DYNC1LI1: variants seen among roughly 807,000 people sequenced by gnomAD.
The protein encoded by DYNC1LI1 is dynein cytoplasmic 1 light intermediate chain 1.
In DYNC1LI1, 19 loss-of-function variants were observed where a neutral mutation model predicts 63.8. That is an observed-to-expected ratio of 0.30 (90% CI 0.21 to 0.44). DYNC1LI1 has a LOEUF of 0.44. DYNC1LI1 is among the 20% of genes least tolerant of loss of function. The pLI, the probability that DYNC1LI1 is intolerant of heterozygous loss-of-function variation, is 1.00. For missense variants in DYNC1LI1, 565 were observed against 630.2 expected (o/e 0.90, Z 1.11); for synonymous variants, 225 against 232.3 (o/e 0.97, Z 0.28).
intron 4 of DYNC1LI1, 88 bp downstream of exon 4, chr3:32,544,788 C>T: frequency 1.1e-6 from 1 of 949,772 alleles, no homozygotes; most frequent in South Asian, 1.6e-5. Flanking sequence ...TTCATTAAAC[C>T]TTTTTTATAG....
chr3:32,557,092 C>T (rs1205181013), intron 2 of DYNC1LI1, among the ~76,000 whole-genome samples: 6 of 152,184 alleles, frequency 3.9e-5, no homozygotes, highest in Non-Finnish European at 7.3e-5. Flanking sequence ...CTTGCCACAA[C>T]CAAGCTGGAC....
At chr3:32,537,811 A>G (rs139752867) in intron 5 of DYNC1LI1, among the ~76,000 whole-genome samples, 2,408 of 136,592 alleles carry the variant, frequency 0.018, 36 homozygotes, top group South Asian at 0.035. Context: ...TAAACATTTA[A>G]TAATGGTCAT....
At chr3:32,554,867 T>TC in intron 2 of DYNC1LI1, among the ~76,000 whole-genome samples, 1 of 143,884 alleles carries the variant, frequency 7.0e-6, no homozygotes, top group East Asian at 2.0e-4. Context: ...TTTTGAATTT[T>TC]TTTTTTTTTT....
rs949441730 is a variant in DYNC1LI1, at chr3:32,550,574, A to G, written c.221-4609T>C. ...TCTCCTCCACTTATCATAAGATCAG[A>G]GTTTATTCCTCTCTGTGAATGTTGT... On this transcript the variant is annotated intron_variant, in intron 2 of 12. Coordinates refer to ENST00000273130, the MANE Select transcript of DYNC1LI1 (RefSeq NM_016141.4). Among the ~76,000 whole-genome samples, 6 of 152,344 alleles carry G rather than the reference A, an allele frequency of 3.9e-5. No homozygotes were observed. In the East Asian group the frequency reaches 1.2e-3, roughly 29 times the overall value.
At chr3:32,554,533 T>C (rs1231164894) in intron 2 of DYNC1LI1, among the ~76,000 whole-genome samples, 2 of 152,086 alleles carry the variant, frequency 1.3e-5, no homozygotes. Context: ...TTCTTACAAA[T>C]GGGGAAACTG....
chr3:32,570,191 C>T (rs1698324767), intron 2 of DYNC1LI1, 155 bp downstream of exon 2: 1 of 739,316 alleles, frequency 1.4e-6, no homozygotes, highest in East Asian at 2.7e-5. Flanking sequence ...CTCGTGTTCC[C>T]CTTCTCTCCC....
At chr3:32,538,099 T>C (rs1293532730) in intron 5 of DYNC1LI1, among the ~76,000 whole-genome samples, 2 of 80,214 alleles carry the variant, frequency 2.5e-5, no homozygotes, top group African/African-American at 9.5e-5. Context: ...TATATATATA[T>C]AAAATAGCAA....
intron 4 of DYNC1LI1, among the ~76,000 whole-genome samples, chr3:32,542,905 G>A (rs934337130): frequency 7.9e-5 from 12 of 152,182 alleles, no homozygotes; most frequent in African/African-American, 1.4e-4. Context: ...TAGAAACACA[G>A]GGGTCTGTAT....
Position 32,560,261 on chromosome 3 carries a change from C to A in DYNC1LI1, c.220+10085G>T, listed in dbSNP as rs533006232. Reference sequence around the variant, plus strand: ...ACCAGCCTGGCCAACAATGTGAAACCCCATCTCTACTAAAAATACAAAAAT... The same window carrying A: ...ACCAGCCTGGCCAACAATGTGAAACACCATCTCTACTAAAAATACAAAAAT... On this transcript the variant is annotated intron_variant, in intron 2 of 12. Transcript: ENST00000273130. 2.0e-5 allele frequency among the ~76,000 whole-genome samples: 3 copies of A among 152,046 alleles called. No homozygotes were observed. The South Asian group carries it at 6.2e-4, about 32-fold the overall frequency.
At chr3:32,537,916 TTATATATATAATATATATATAATA>T (rs1697800234) in intron 5 of DYNC1LI1, among the ~76,000 whole-genome samples, 5 of 35,850 alleles carry the variant, frequency 1.4e-4, no homozygotes, top group Admixed American at 1.0e-3. Context: ...TATATATAAT[TTATATATATAATATATATATAATA>T]TATATATAAT....
At chr3:32,568,582 C>G (rs1698300032) in intron 2 of DYNC1LI1, among the ~76,000 whole-genome samples, 1 of 151,976 alleles carries the variant, frequency 6.6e-6, no homozygotes. Context: ...AACACTCAGT[C>G]CCATGCACAG....
chr3:32,540,775 G>A (rs1385977549), intron 5 of DYNC1LI1, among the ~76,000 whole-genome samples: 2 of 151,590 alleles, frequency 1.3e-5, no homozygotes, highest in East Asian at 3.9e-4. Flanking sequence ...TAAACTGATT[G>A]ATCATACAAT....
At chr3:32,538,062 AT>A (rs1697822536) in intron 5 of DYNC1LI1, among the ~76,000 whole-genome samples, 1 of 78,228 alleles carries the variant, frequency 1.3e-5, no homozygotes, top group Non-Finnish European at 2.5e-5. Flanking sequence ...TATATATATA[AT>A]TTATTATATA....
intron 2 of DYNC1LI1, among the ~76,000 whole-genome samples, chr3:32,548,424 T>C (rs1697987746): frequency 6.6e-6 from 1 of 152,168 alleles, no homozygotes; most frequent in South Asian, 2.1e-4. Context: ...CTGTCTTCCA[T>C]GAAGTCGGTT....
intron 5 of DYNC1LI1, among the ~76,000 whole-genome samples, chr3:32,537,974 T>TTATATATAATATATATATATAATTTA (rs1697810511): frequency 4.9e-5 from 1 of 20,524 alleles, no homozygotes; most frequent in Non-Finnish European, 8.4e-5. Context: ...ATATATATAT[T>TTATATATAATATATATATATAATTTA]TATATATAAT....
At chr3:32,568,437 G>A (rs1239650281) in intron 2 of DYNC1LI1, among the ~76,000 whole-genome samples, 1 of 152,064 alleles carries the variant, frequency 6.6e-6, no homozygotes, top group Non-Finnish European at 1.5e-5. Context: ...AATCCCAATA[G>A]TACTGAAAGA....
rs775765882 is a variant in DYNC1LI1 at position 32,545,033 on chromosome 3, A to G, written c.411T>C (p.Asp137=). The G allele has an allele frequency of 6.2e-7, 1 of 1,614,130 alleles. No homozygotes were observed. Among genetic ancestry groups the G allele is most frequent in the Non-Finnish European group, 8.5e-7 (1 of 1,179,972 alleles). The change falls in exon 4 of 13, where the codon GAT becomes GAC. Residue 137 remains aspartate, a synonymous_variant. Transcript: ENST00000273130. ...YHKGLLKFSL[D]AVSLKDTLVM... ...CTAGAGTATCCTTCAGAGATACGGCATCCAGTGAAAATTTAAGGAGGCCTT... is the reference window on the plus strand; with the variant it reads ...CTAGAGTATCCTTCAGAGATACGGCGTCCAGTGAAAATTTAAGGAGGCCTT...
At chr3:32,533,778 T>TCTTGGG (rs1393377461) in intron 7 of DYNC1LI1, among the ~76,000 whole-genome samples, 3 of 151,780 alleles carry the variant, frequency 2.0e-5, no homozygotes, top group Admixed American at 6.6e-5. Flanking sequence ...CTCAGGCTAG[T>TCTTGGG]CTTGGGCTCT....
At chr3:32,541,627 T>C (rs1055792076) in intron 4 of DYNC1LI1, among the ~76,000 whole-genome samples, 1 of 152,210 alleles carries the variant, frequency 6.6e-6, no homozygotes, top group African/African-American at 2.4e-5. Context: ...CACTAAACCC[T>C]TTACTCAGGT....
Sources: allele counts gnomAD v4.1 joint callset (sites outside exome capture counted in the v4.1 genomes callset), GRCh38; gene constraint gnomAD v4.1.1; transcripts MANE v1.5; gene names NCBI Gene and HGNC (gene_info 2026-07-23, HGNC 2026-07-21).